Variants in ANO5 observed in about 807,000 individuals in gnomAD.
ANO5 encodes anoctamin-5.
A neutral mutation model predicts 121.0 loss-of-function variants in ANO5; 109 were observed. That is an observed-to-expected ratio of 0.90 (90% CI 0.77 to 1.06). The LOEUF is 1.06. Among genes scored for constraint, ANO5 ranks in the 50% least tolerant of loss-of-function variants. The pLI, the probability that ANO5 is intolerant of heterozygous loss-of-function variation, is 0.00. For missense variants in ANO5, 1,064 were observed against 1,078.5 expected (o/e 0.99, Z 0.19); for synonymous variants, 406 against 359.9 (o/e 1.13, Z -1.45).
chr11:22,279,868 T>TTTTTTTTTC lies in ANO5; in HGVS notation c.*111_*112insCTTTTTTTT. On this transcript the variant is annotated 3_prime_UTR_variant, in exon 22 of 22. Coordinates refer to ENST00000324559, the MANE Select transcript of ANO5 (RefSeq NM_213599.3). Reference sequence around the variant, plus strand: ...CATGTGTCAATTTTACCCTTTCTTTTTTTTTTTTTTCTTTTTTTTTTTAAA... The same window carrying TTTTTTTTTC: ...CATGTGTCAATTTTACCCTTTCTTTTTTTTTTTTCTTTTTTTTTTCTTTTTTTTTTTAAA... 1 of 993,316 alleles carries TTTTTTTTTC rather than the reference T, an allele frequency of 1.0e-6. No individual in the cohort carries two copies. The highest frequency in any genetic ancestry group is 1.5e-6 in the Non-Finnish European group (1 of 683,766). 61.5% of individuals were successfully genotyped at this position (993,316 alleles called of 1,614,324 possible).
intron 12 of ANO5, among the ~76,000 whole-genome samples, chr11:22,251,276 TC>T (rs1168439230): frequency 6.6e-6 from 1 of 152,224 alleles, no homozygotes; most frequent in Admixed American, 6.5e-5. Context: ...CCACTGTCTT[TC>T]AGTGCCATGT....
chr11:22,225,231 G>A (rs1379429539), intron 5 of ANO5, among the ~76,000 whole-genome samples: 2 of 152,108 alleles, frequency 1.3e-5, no homozygotes, highest in Non-Finnish European at 2.9e-5. Context: ...GCTAAGGCGG[G>A]AGGATGAGTT....
chr11:22,213,840 A>G (rs552540456), intron 3 of ANO5, among the ~76,000 whole-genome samples: 1 of 151,716 alleles, frequency 6.6e-6, no homozygotes, highest in Non-Finnish European at 1.5e-5. Context: ...ATACTACTTT[A>G]TTTTCTTGCT....
intron 4 of ANO5, among the ~76,000 whole-genome samples, chr11:22,220,297 C>T (rs908418999): frequency 1.3e-5 from 2 of 151,920 alleles, no homozygotes; most frequent in Admixed American, 1.3e-4. Context: ...TGTAGGCTAG[C>T]AGGAATATTA....
chr11:22,225,313 T>C (rs75042658), intron 5 of ANO5, among the ~76,000 whole-genome samples: 3,175 of 151,878 alleles, frequency 0.021, 107 homozygotes, highest in African/African-American at 0.072. Flanking sequence ...TTTTAAAAAT[T>C]ATCCGAGTGT....
At position 22,279,860 on chromosome 11, in the gene ANO5, CT is replaced by C. The variant is rs1855016413; in HGVS notation, c.*98del. ...CCAGAAGCCATGTGTCAATTTTACC[CT>C]TTCTTTTTTTTTTTTTTCTTTTTTT... On this transcript the variant is annotated 3_prime_UTR_variant, in exon 22 of 22. Coordinates refer to ENST00000324559, the MANE Select transcript of ANO5 (RefSeq NM_213599.3). 3.0e-6 allele frequency: 3 copies of C among 1,006,174 alleles called. No homozygotes were observed. The highest frequency in any genetic ancestry group is 4.9e-5 in the African/African-American group (2 of 40,788). The allele number at this position is 1,006,174 out of a possible 1,614,324, so 62.3% of individuals were successfully genotyped here. A position where few individuals can be genotyped will look rare whatever the true frequency, so the allele number is the denominator to read the frequency against.
chr11:22,273,376 A>G (rs897166769), intron 19 of ANO5, among the ~76,000 whole-genome samples: 1 of 152,218 alleles, frequency 6.6e-6, no homozygotes, highest in Admixed American at 6.5e-5. Context: ...ATAAATTTCC[A>G]AAAGCATAAC....
intron 1 of ANO5, among the ~76,000 whole-genome samples, chr11:22,200,555 C>T (rs1481041037): frequency 2.0e-5 from 3 of 152,048 alleles, no homozygotes; most frequent in Non-Finnish European, 2.9e-5. Flanking sequence ...TTAAGTTAAA[C>T]TACATTTTTG....
upstream of ANO5, chr11:22,192,868 A>G (rs1250230420): frequency 3.4e-6 from 2 of 587,816 alleles, no homozygotes; most frequent in African/African-American, 4.1e-5. Context: ...GGGAGGCTGC[A>G]TGTCCGGAGG....
intron 7 of ANO5, among the ~76,000 whole-genome samples, chr11:22,233,506 G>C (rs959275089): frequency 6.6e-6 from 1 of 151,876 alleles, no homozygotes; most frequent in Admixed American, 6.6e-5. Flanking sequence ...AGGAACTGAG[G>C]GTCCTGGGAA....
chr11:22,253,818 G>C (rs969495232), intron 12 of ANO5, among the ~76,000 whole-genome samples: 1 of 152,110 alleles, frequency 6.6e-6, no homozygotes, highest in African/African-American at 2.4e-5. Flanking sequence ...ATTACTTTTT[G>C]ACTGGAGGAG....
intron 9 of ANO5, among the ~76,000 whole-genome samples, chr11:22,239,985 A>T (rs1564930800): frequency 6.6e-6 from 1 of 152,142 alleles, no homozygotes; most frequent in African/African-American, 2.4e-5. Context: ...AACCATTATG[A>T]AAATAGATAT....
Position 22,259,585 on chromosome 11 carries a change from G to T in ANO5, c.1474G>T (p.Ala492Ser). The T allele has an allele frequency of 6.2e-7, 1 of 1,614,078 alleles. No homozygotes were observed. The highest frequency in any genetic ancestry group is 1.1e-5 in the South Asian group (1 of 91,082). ...CCGCCTGTCAGTCTTTGCTACATTT[G>T]CTAGTTTCATGGAAAGTGATGCATC... Reference protein sequence around the residue: ...VYRLSVFATFASFMESDASLK... With the variant: ...VYRLSVFATFSSFMESDASLK... The change falls in exon 15 of 22, where the codon GCT becomes TCT. Residue 492 changes from alanine (A) to serine (S), a missense_variant. Coordinates refer to ENST00000324559, the MANE Select transcript of ANO5 (RefSeq NM_213599.3).
At chr11:22,224,977 T>G (rs1388873029) in intron 5 of ANO5, among the ~76,000 whole-genome samples, 2 of 151,902 alleles carry the variant, frequency 1.3e-5, no homozygotes, top group Non-Finnish European at 2.9e-5. Context: ...TAGAGTAGAT[T>G]GGTGGCTACC....
At chr11:22,252,120 CG>C (rs1486777792) in intron 12 of ANO5, among the ~76,000 whole-genome samples, 1 of 146,628 alleles carries the variant, frequency 6.8e-6, no homozygotes, top group Non-Finnish European at 1.5e-5. Context: ...GTTTGCAAAG[CG>C]GAGGGATTTA....
intron 7 of ANO5, among the ~76,000 whole-genome samples, chr11:22,232,482 G>A (rs1019545022): frequency 6.6e-6 from 1 of 151,714 alleles, no homozygotes; most frequent in African/African-American, 2.4e-5. Flanking sequence ...CCTTTTGAAT[G>A]TTTTTAGATA....
intron 13 of ANO5, among the ~76,000 whole-genome samples, chr11:22,256,017 A>G (rs1853990500): frequency 6.6e-6 from 1 of 152,176 alleles, no homozygotes; most frequent in Non-Finnish European, 1.5e-5. Flanking sequence ...GTTTTATTAG[A>G]CTAACTTTTC....
intron 9 of ANO5, among the ~76,000 whole-genome samples, chr11:22,248,328 C>T (rs929847593): frequency 1.3e-4 from 20 of 151,938 alleles, no homozygotes; most frequent in Non-Finnish European, 2.7e-4. Context: ...AAATATATGG[C>T]ATATTTTTCT....
chr11:22,201,195 A>C (rs4293118), intron 1 of ANO5, among the ~76,000 whole-genome samples: 115,147 of 151,984 alleles, frequency 0.76, 43,945 homozygotes, highest in South Asian at 0.81. Flanking sequence ...ACAGTGAAAA[A>C]CTTGGCTCCC....
Sources: gnomAD v4.1 joint callset for allele counts (sites outside exome capture counted in the v4.1 genomes callset) on GRCh38, gnomAD v4.1.1 for gene constraint, MANE v1.5 for transcripts, NCBI Gene and HGNC (gene_info 2026-07-23, HGNC 2026-07-21) for gene names.